The following KCNH5 variants were observed in gnomAD, a reference collection of about 807,000 sequenced individuals.
KCNH5 encodes the protein voltage-gated delayed rectifier potassium channel KCNH5.
A neutral mutation model predicts 96.1 loss-of-function variants in KCNH5; 46 were observed. That is an observed-to-expected ratio of 0.48 (90% CI 0.38 to 0.61). KCNH5 has a LOEUF of 0.61. Ranked by LOEUF, KCNH5 falls within the 20% of genes least tolerant of loss-of-function variation. The pLI is 0.00. For synonymous variants in KCNH5, 439 were observed against 449.8 expected, an observed-to-expected ratio of 0.98 and a Z score of 0.30; for missense variants, 907 against 1,225.8, an observed-to-expected ratio of 0.74 and a Z score of 3.88.
At chr14:62,865,483 G>T (rs188436687) in intron 7 of KCNH5, among the ~76,000 whole-genome samples, 7 of 152,290 alleles carry the variant, frequency 4.6e-5, no homozygotes, top group Non-Finnish European at 7.4e-5. Context: ...CACAGGTATA[G>T]CAGATGAAGA....
intron 7 of KCNH5, among the ~76,000 whole-genome samples, chr14:62,885,813 T>C (rs950695889): frequency 1.3e-5 from 2 of 152,230 alleles, no homozygotes; most frequent in African/African-American, 4.8e-5. Context: ...TTATTTATCA[T>C]AATGTAGTAG....
chr14:63,018,284 A>G (rs1891363298), intron 1 of KCNH5, among the ~76,000 whole-genome samples: 1 of 151,874 alleles, frequency 6.6e-6, no homozygotes, highest in South Asian at 2.1e-4. Flanking sequence ...TTACAAGTCT[A>G]AGGAGTCAAA....
intron 9 of KCNH5, among the ~76,000 whole-genome samples, chr14:62,783,485 A>G (rs1386865157): frequency 6.6e-6 from 1 of 152,182 alleles, no homozygotes; most frequent in African/African-American, 2.4e-5. Flanking sequence ...ACATTTCTCT[A>G]TGATTCATTT....
At chr14:62,858,064 GA>G (rs377477922) in intron 7 of KCNH5, among the ~76,000 whole-genome samples, 54 of 143,300 alleles carry the variant, frequency 3.8e-4, no homozygotes, top group East Asian at 1.0e-3. Flanking sequence ...ACATGATAAA[GA>G]AAAAAAAAAG....
At chr14:62,767,983 C>G (rs1234463775) in intron 10 of KCNH5, among the ~76,000 whole-genome samples, 1 of 152,114 alleles carries the variant, frequency 6.6e-6, no homozygotes, top group Non-Finnish European at 1.5e-5. Context: ...CAAGTTCTCA[C>G]TTATAACTCG....
intron 7 of KCNH5, among the ~76,000 whole-genome samples, chr14:62,931,388 G>A (rs1220456384): frequency 6.6e-6 from 1 of 152,112 alleles, no homozygotes; most frequent in Non-Finnish European, 1.5e-5. Flanking sequence ...ATGCAAAGAA[G>A]CAGAGAGACT....
At chr14:62,896,726 G>C (rs12431729) in intron 7 of KCNH5, among the ~76,000 whole-genome samples, 9 of 151,862 alleles carry the variant, frequency 5.9e-5, no homozygotes, top group Non-Finnish European at 1.2e-4. Context: ...AAAGACCTTC[G>C]TGAGGTCACA....
intron 6 of KCNH5, among the ~76,000 whole-genome samples, chr14:62,955,832 T>C (rs1054466338): frequency 1.3e-5 from 2 of 152,172 alleles, no homozygotes; most frequent in South Asian, 2.1e-4. Flanking sequence ...GTTTTTATAA[T>C]AGCAGGATTC....
intron 7 of KCNH5, among the ~76,000 whole-genome samples, chr14:62,871,337 C>A (rs553829273): frequency 3.0e-4 from 45 of 152,272 alleles, no homozygotes; most frequent in African/African-American, 1.0e-3. Flanking sequence ...AAACCCAATA[C>A]TGGGGGTTTA....
chr14:62,882,255 C>G (rs1888509557), intron 7 of KCNH5, among the ~76,000 whole-genome samples: 1 of 151,956 alleles, frequency 6.6e-6, no homozygotes, highest in Non-Finnish European at 1.5e-5. Flanking sequence ...AGAGTGATAC[C>G]TGTCTCAAAA....
At chr14:63,003,628 T>A (rs1193995761) in intron 3 of KCNH5, among the ~76,000 whole-genome samples, 38 of 123,492 alleles carry the variant, frequency 3.1e-4, no homozygotes, top group East Asian at 4.9e-4. Context: ...ATATATATTT[T>A]TTTTTTTTTG....
At position 62,699,506 on chromosome 14, in the gene KCNH5, C is replaced by T. The variant is rs1258585563; in HGVS notation, c.*8002G>A. 1 of 152,056 alleles carries T rather than the reference C, an allele frequency of 6.6e-6. No individual in the cohort carries two copies. Among genetic ancestry groups the T allele is most frequent in the Non-Finnish European group, 1.5e-5 (1 of 67,996 alleles). The allele number at this position is 152,056 out of a possible 1,614,324, so 9.4% of individuals were successfully genotyped here. A position where few individuals can be genotyped will look rare whatever the true frequency, so the allele number is the denominator to read the frequency against. ...TTTATTCTGTATCATGAAAAAATAT[C>T]CACATTTAAATAAAGTGTGAAAAAA... is the stretch of plus-strand genomic sequence containing the variant. On this transcript the variant is annotated 3_prime_UTR_variant, in exon 11 of 11. Coordinates refer to ENST00000322893, the MANE Select transcript of KCNH5 (RefSeq NM_139318.5).
chr14:62,910,082 C>T (rs1000366224), intron 7 of KCNH5, among the ~76,000 whole-genome samples: 4 of 150,984 alleles, frequency 2.6e-5, no homozygotes, highest in Non-Finnish European at 5.9e-5. Flanking sequence ...CAGTATGTGA[C>T]CAAGAATTGA....
At chr14:62,748,208 G>A (rs568697675) in intron 10 of KCNH5, among the ~76,000 whole-genome samples, 9 of 152,264 alleles carry the variant, frequency 5.9e-5, no homozygotes, top group Admixed American at 1.3e-4. Flanking sequence ...AAAGTAAAAG[G>A]AGGCACGCAT....
intron 10 of KCNH5, among the ~76,000 whole-genome samples, chr14:62,708,976 C>T (rs12717503): frequency 0.91 from 138,324 of 152,040 alleles, 64,077 homozygotes; most frequent in East Asian, 1. Context: ...CCGGGCGCGG[C>T]GGCTCACGCC....
chr14:63,024,342 C>T (rs1400209996), intron 1 of KCNH5, among the ~76,000 whole-genome samples: 1 of 135,164 alleles, frequency 7.4e-6, no homozygotes, highest in East Asian at 2.9e-4. Flanking sequence ...AAAGAAGACC[C>T]TAAATAATCA....
chr14:62,724,439 T>TA (rs1332988437), intron 10 of KCNH5, among the ~76,000 whole-genome samples: 1 of 152,144 alleles, frequency 6.6e-6, no homozygotes, highest in Non-Finnish European at 1.5e-5. Context: ...AAGATATATA[T>TA]AATCTATTTT....
chr14:62,782,867 T>A (rs1280861347), intron 9 of KCNH5, among the ~76,000 whole-genome samples: 1 of 152,146 alleles, frequency 6.6e-6, no homozygotes, highest in Non-Finnish European at 1.5e-5. Context: ...ACACTTTAGC[T>A]ATAGAAACTC....
chr14:62,862,186 TAA>T (rs1271283712), intron 7 of KCNH5, among the ~76,000 whole-genome samples: 1 of 152,164 alleles, frequency 6.6e-6, no homozygotes, highest in Non-Finnish European at 1.5e-5. Context: ...TATGCTTACT[TAA>T]ATATGGAAGC....
Sources: gnomAD v4.1 joint callset for allele counts (sites outside exome capture counted in the v4.1 genomes callset) on GRCh38, gnomAD v4.1.1 for gene constraint, MANE v1.5 for transcripts, NCBI Gene and HGNC (gene_info 2026-07-23, HGNC 2026-07-21) for gene names.